GAPDHS: variants seen among roughly 807,000 people sequenced by gnomAD.
GAPDHS encodes the protein glyceraldehyde-3-phosphate dehydrogenase, testis-specific.
Under a neutral mutation model 48.7 loss-of-function variants are expected in GAPDHS, and 42 were observed. That is an observed-to-expected ratio of 0.86 (90% CI 0.67 to 1.12). The LOEUF (loss-of-function observed/expected upper bound fraction) is 1.12. GAPDHS is among the 50% of genes most tolerant of loss of function. GAPDHS has a pLI of 0.00. For missense variants in GAPDHS, 512 were observed against 557.7 expected (o/e 0.92, Z 0.82); for synonymous variants, 166 against 219.1 (o/e 0.76, Z 2.14).
At chr19:35,544,674 C>T in intron 9 of GAPDHS, 1 of 573,764 alleles carries the variant, frequency 1.7e-6, no homozygotes. Context: ...AAGGGATGTA[C>T]TGGTACAGCA....
At position 35,544,533 on chromosome 19, in the gene GAPDHS, T is replaced by G. The variant is rs138571952; in HGVS notation, c.1057-376T>G. 121 of 229,674 alleles carry G rather than the reference T, an allele frequency of 5.3e-4. 3 individuals carry two copies. The East Asian group carries it at 0.011, about 21-fold the overall frequency. The allele number at this position is 229,674 out of a possible 1,614,324, so 14.2% of individuals were successfully genotyped here. A position where few individuals can be genotyped will look rare whatever the true frequency, so the allele number is the denominator to read the frequency against. On this transcript the variant is annotated intron_variant, in intron 9 of 10. Transcript: ENST00000222286. ...CAGGTCCTCCCTTCCTGCAGCTCCT[T>G]CTACCTCAGACACTGTGCTGAGGGC...
At chr19:35,535,454 C>T (rs997360995) in intron 1 of GAPDHS, among the ~76,000 whole-genome samples, 19 of 151,940 alleles carry the variant, frequency 1.3e-4, no homozygotes, top group African/African-American at 1.7e-4. Context: ...GGCACGATCT[C>T]GCCCACCACA....
intron 4 of GAPDHS, 118 bp downstream of exon 4, chr19:35,538,801 G>C: frequency 1.4e-6 from 1 of 700,548 alleles, no homozygotes; most frequent in East Asian, 2.7e-5. Context: ...CCAAAATTGC[G>C]TGTGCATGCC....
chr19:35,542,051 G>C (rs1051105086), intron 4 of GAPDHS: 2 of 498,818 alleles, frequency 4.0e-6, no homozygotes, highest in Non-Finnish European at 7.3e-6. Flanking sequence ...AGGAGGTTGA[G>C]GGCTGAGTTG....
intron 10 of GAPDHS, 23 bp downstream of exon 10, chr19:35,545,029 C>G (rs1432630437): frequency 6.2e-7 from 1 of 1,606,528 alleles, no homozygotes; most frequent in Admixed American, 1.7e-5. Flanking sequence ...GAGCTGGAGA[C>G]TTAGAGGGAG....
intron 9 of GAPDHS, 111 bp downstream of exon 9, chr19:35,543,938 A>G: frequency 7.0e-7 from 1 of 1,434,922 alleles, no homozygotes; most frequent in Non-Finnish European, 9.1e-7. Flanking sequence ...CAGGGCAGGA[A>G]GGGAGATCTC....
intron 5 of GAPDHS, 31 bp from the exon 6 acceptor site, chr19:35,542,459 G>A: frequency 6.3e-7 from 1 of 1,589,808 alleles, no homozygotes; most frequent in Non-Finnish European, 8.6e-7. Context: ...GATGGTGCCA[G>A]AAGCCCCTGA....
intron 6 of GAPDHS, 64 bp downstream of exon 6, chr19:35,542,672 C>A: frequency 9.1e-7 from 1 of 1,099,286 alleles, no homozygotes; most frequent in Non-Finnish European, 1.4e-6. Context: ...TCCCCACCCT[C>A]AGCCCCACTG....
At chr19:35,537,155 A>G (rs2071471583) in intron 2 of GAPDHS, among the ~76,000 whole-genome samples, 165 bp downstream of exon 2, 1 of 152,246 alleles carries the variant, frequency 6.6e-6, no homozygotes, top group Non-Finnish European at 1.5e-5. Context: ...GCTCAGCAGC[A>G]TGCTGGTGGG....
intron 2 of GAPDHS, among the ~76,000 whole-genome samples, chr19:35,538,081 AT>A (rs1202402380): frequency 7.1e-4 from 17 of 23,992 alleles, no homozygotes; most frequent in Non-Finnish European, 1.3e-3. Flanking sequence ...ATCTCAAAAT[AT>A]ATATATATAT....
intron 1 of GAPDHS, 101 bp downstream of exon 1, chr19:35,533,695 T>C (rs1441318637): frequency 1.1e-6 from 1 of 885,920 alleles, no homozygotes; most frequent in Non-Finnish European, 1.8e-6. Flanking sequence ...CTTCCTGGCG[T>C]GTGCACCATC....
chr19:35,540,188 C>G (rs1386462160), intron 4 of GAPDHS, among the ~76,000 whole-genome samples: 1 of 152,262 alleles, frequency 6.6e-6, no homozygotes, highest in African/African-American at 2.4e-5. Flanking sequence ...TTTGTGGACA[C>G]TTAAACGGGC....
chr19:35,542,919 G>C, intron 6 of GAPDHS, 26 bp from the exon 7 acceptor site: 2 of 1,587,990 alleles, frequency 1.3e-6, no homozygotes, highest in Non-Finnish European at 1.7e-6. Flanking sequence ...ACCTCACAGT[G>C]TCCGTGCACA....
At chr19:35,541,135 ACT>A (rs2071499481) in intron 4 of GAPDHS, 1 of 151,682 alleles carries the variant, frequency 6.6e-6, no homozygotes, top group East Asian at 1.9e-4. Flanking sequence ...ACAGAGTGAG[ACT>A]CTGTCTCAAA....
chr19:35,542,709 C>T, intron 6 of GAPDHS, 101 bp downstream of exon 6: 1 of 886,154 alleles, frequency 1.1e-6, no homozygotes, highest in South Asian at 1.5e-5. Flanking sequence ...GCTTCTGCTT[C>T]TCCTTCCCGA....
chr19:35,540,753 T>A (rs1300544577), intron 4 of GAPDHS: 1 of 152,006 alleles, frequency 6.6e-6, no homozygotes, highest in Non-Finnish European at 1.5e-5. Flanking sequence ...TTGTGAAGGT[T>A]ACATGAGTTT....
At chr19:35,539,835 C>T (rs915148179) in intron 4 of GAPDHS, among the ~76,000 whole-genome samples, 18 of 152,190 alleles carry the variant, frequency 1.2e-4, no homozygotes, top group African/African-American at 3.9e-4. Flanking sequence ...ATAGTTATCA[C>T]GCAGACTTCA....
In GAPDHS at chr19:35,536,869, C is replaced by T. The variant is rs112124650; in HGVS notation, c.124C>T (p.Pro42Ser). 30 of 1,614,044 alleles carry T rather than the reference C, an allele frequency of 1.9e-5. 1 individual carries two copies. The African/African-American group carries it at 1.9e-4, about 10-fold the overall frequency. ...GGCTGAAGTAGAGCCCCAGCCACAA[C>T]CAGAGCCCACACCAGTCAGGGAGGA... ...PKAEVEPQPQ[P>S]EPTPVREEIK... The change falls in exon 2 of 11, where the codon CCA (proline) becomes TCA (serine). Residue 42 changes from proline to serine, a missense_variant. Transcript: ENST00000222286.
intron 9 of GAPDHS, chr19:35,544,361 T>A: frequency 6.0e-6 from 1 of 168,062 alleles, no homozygotes; most frequent in South Asian, 1.4e-4. Flanking sequence ...TACATCCACC[T>A]TGGTGCTGTC....
Sources: gnomAD v4.1 joint callset for allele counts (sites outside exome capture counted in the v4.1 genomes callset) on GRCh38, gnomAD v4.1.1 for gene constraint, MANE v1.5 for transcripts, NCBI Gene and HGNC (gene_info 2026-07-23, HGNC 2026-07-21) for gene names.